ANK2: variants seen among roughly 807,000 people sequenced by gnomAD.
ANK2 encodes ankyrin-2.
ANK2 carries 83 observed loss-of-function variants against 360.5 expected under a neutral mutation model. That is an observed-to-expected ratio of 0.23 (90% CI 0.19 to 0.28). The LOEUF (loss-of-function observed/expected upper bound fraction) is 0.28, where lower values mean the gene tolerates loss of function less well. Ranked by LOEUF, ANK2 falls within the 10% of genes least tolerant of loss-of-function variation. ANK2 has a pLI of 1.00. For synonymous variants in ANK2, 1,740 were observed against 1,759.5 expected (o/e 0.99, Z 0.28); for missense variants, 4,201 against 4,795.7 (o/e 0.88, Z 3.66).
chr4:113,138,314 A>C (rs1409794698), intron 1 of ANK2, among the ~76,000 whole-genome samples: 1 of 152,188 alleles, frequency 6.6e-6, no homozygotes. Flanking sequence ...CTAAATGCAC[A>C]CTCATCATGC....
the ANK2 span, among the ~76,000 whole-genome samples, chr4:112,800,516 C>T: frequency 2.0e-5 from 3 of 152,118 alleles, no homozygotes; most frequent in African/African-American, 7.2e-5. Flanking sequence ...GTATTCATTG[C>T]ATGTAATGAA....
intron 23 of ANK2, among the ~76,000 whole-genome samples, chr4:113,304,253 G>A (rs2076245834): frequency 6.6e-6 from 1 of 152,140 alleles, no homozygotes; most frequent in Admixed American, 6.5e-5. Flanking sequence ...CCACTTTATT[G>A]ATGGGGAGGC....
At chr4:113,347,517 C>CAT in intron 35 of ANK2, among the ~76,000 whole-genome samples, 1 of 152,048 alleles carries the variant, frequency 6.6e-6, no homozygotes, top group South Asian at 2.1e-4. Flanking sequence ...TCAGTGTGCT[C>CAT]TAAGAGAAAG....
chr4:112,842,835 A>G (rs569016172), intron 1 of ANK2, among the ~76,000 whole-genome samples: 1 of 152,340 alleles, frequency 6.6e-6, no homozygotes, highest in South Asian at 2.1e-4. Context: ...TTAAGACAAA[A>G]GACATTTATT....
At chr4:113,278,393 A>G in intron 16 of ANK2, 67 bp from the exon 17 acceptor site, 1 of 1,349,044 alleles carries the variant, frequency 7.4e-7, no homozygotes, top group Non-Finnish European at 1.1e-6. Flanking sequence ...GTTTCCAGGC[A>G]TCCTGGTAGC....
chr4:113,377,347 A>G lies in ANK2; in HGVS notation c.11859+3898A>G, dbSNP rs559912239. On this transcript the variant is annotated intron_variant, in intron 45 of 45. Coordinates refer to ENST00000357077, the MANE Select transcript of ANK2 (RefSeq NM_001148.6). Reference sequence around the variant, plus strand: ...AGCTATAGCATCACTAGGTGACAGGAATTTTTTAGCTCCATTATAATCTTA... The same window carrying G: ...AGCTATAGCATCACTAGGTGACAGGGATTTTTTAGCTCCATTATAATCTTA... 7.9e-5 allele frequency among the ~76,000 whole-genome samples: 12 copies of G among 152,278 alleles called. No homozygotes were observed. The South Asian group carries it at 2.5e-3, about 32-fold the overall frequency.
At chr4:113,139,947 G>A (rs1399706883) in intron 1 of ANK2, among the ~76,000 whole-genome samples, 1 of 152,186 alleles carries the variant, frequency 6.6e-6, no homozygotes, top group Non-Finnish European at 1.5e-5. Context: ...AGCATAAACA[G>A]TAAAAGTCAT....
the ANK2 span, among the ~76,000 whole-genome samples, chr4:112,754,871 AG>A: frequency 6.6e-6 from 1 of 152,216 alleles, no homozygotes; most frequent in African/African-American, 2.4e-5. Context: ...CATCTAACCT[AG>A]TAACGGTGGT....
chr4:112,957,058 G>A (rs550080146), intron 2 of ANK2, among the ~76,000 whole-genome samples: 32 of 125,896 alleles, frequency 2.5e-4, no homozygotes, highest in African/African-American at 7.4e-4. Flanking sequence ...GGTGTTTCTC[G>A]CAGAGGGGGA....
At chr4:113,180,979 T>C (rs2098398829) in intron 2 of ANK2, among the ~76,000 whole-genome samples, 1 of 152,232 alleles carries the variant, frequency 6.6e-6, no homozygotes. Flanking sequence ...TACTGGGTAG[T>C]GCTGATTCAG....
At chr4:112,947,577 G>C (rs2094625293) in intron 2 of ANK2, among the ~76,000 whole-genome samples, 1 of 152,000 alleles carries the variant, frequency 6.6e-6, no homozygotes, top group East Asian at 1.9e-4. Context: ...GCAGTTTCTA[G>C]TAACTACCCA....
chr4:112,890,773 G>A (rs2079800942), intron 1 of ANK2, among the ~76,000 whole-genome samples: 1 of 151,756 alleles, frequency 6.6e-6, no homozygotes, highest in South Asian at 2.1e-4. Context: ...TTCCATGTTG[G>A]TCAGGCTGGT....
chr4:113,256,761 A>C (rs1295857358), intron 11 of ANK2, among the ~76,000 whole-genome samples: 1 of 152,230 alleles, frequency 6.6e-6, no homozygotes, highest in Admixed American at 6.5e-5. Flanking sequence ...CCATCATTAG[A>C]ATCATCAAAT....
At chr4:113,375,779 CA>C (rs2096909256) in intron 45 of ANK2, among the ~76,000 whole-genome samples, 1 of 151,322 alleles carries the variant, frequency 6.6e-6, no homozygotes, top group Non-Finnish European at 1.5e-5. Flanking sequence ...AACAGATCCA[CA>C]AACTCTTACT....
intron 1 of ANK2, among the ~76,000 whole-genome samples, chr4:112,827,899 G>A (rs2058749932): frequency 6.6e-6 from 1 of 152,016 alleles, no homozygotes; most frequent in African/African-American, 2.4e-5. Context: ...AAAAGAGGCC[G>A]AATAAACAAA....
intron 1 of ANK2, chr4:112,827,082 A>C (rs1424822947): frequency 8.6e-7 from 1 of 1,162,966 alleles, no homozygotes. Flanking sequence ...CCCATGCAAC[A>C]CAGGAAAAAT....
intron 4 of ANK2, among the ~76,000 whole-genome samples, chr4:113,207,290 GA>G (rs1240156641): frequency 1.1e-4 from 17 of 152,244 alleles, no homozygotes; most frequent in African/African-American, 3.9e-4. Context: ...TCTGAAATTT[GA>G]ATGAATAATC....
At chr4:112,736,290 C>A in the ANK2 span, among the ~76,000 whole-genome samples, 1 of 152,010 alleles carries the variant, frequency 6.6e-6, no homozygotes. Context: ...CGGTGAAACC[C>A]CATCTCTACT....
intron 1 of ANK2, among the ~76,000 whole-genome samples, chr4:113,149,873 TCAA>T (rs1173827749): frequency 1.8e-4 from 1 of 5,698 alleles, no homozygotes; most frequent in African/African-American, 1.0e-3. Context: ...AGACCCTGCC[TCAA>T]AAAAAAAAAA....
Sources: gnomAD v4.1 joint callset for allele counts (sites outside exome capture counted in the v4.1 genomes callset) on GRCh38, gnomAD v4.1.1 for gene constraint, MANE v1.5 for transcripts, NCBI Gene and HGNC (gene_info 2026-07-23, HGNC 2026-07-21) for gene names.